Variants in CBFA2T2 observed in about 807,000 individuals in gnomAD.
The protein encoded by CBFA2T2 is protein CBFA2T2.
Under a neutral mutation model 62.2 loss-of-function variants are expected in CBFA2T2, and 11 were observed. The ratio of observed to expected loss-of-function variants is 0.18; its 90% CI spans 0.11 to 0.29. CBFA2T2 has a LOEUF of 0.29. Ranked by LOEUF, CBFA2T2 falls within the 10% of genes least tolerant of loss-of-function variation. CBFA2T2 has a pLI of 1.00. For synonymous variants in CBFA2T2, 295 were observed against 287.5 expected, an observed-to-expected ratio of 1.03 and a Z score of -0.27; for missense variants, 592 against 774.1, an observed-to-expected ratio of 0.76 and a Z score of 2.79.
At chr20:33,505,037 A>G (rs1242165236) in intron 1 of CBFA2T2, among the ~76,000 whole-genome samples, 11 of 152,218 alleles carry the variant, frequency 7.2e-5, no homozygotes, top group Admixed American at 6.5e-4. Context: ...CAATTTTCAC[A>G]TATCTAATTT....
chr20:33,567,345 T>C (rs544417364), intron 1 of CBFA2T2, among the ~76,000 whole-genome samples: 6 of 152,316 alleles, frequency 3.9e-5, no homozygotes, highest in Admixed American at 3.9e-4. Context: ...TGTATACATA[T>C]TATCTGCAGT....
rs879766494 is a variant in CBFA2T2 at position 33,567,807 on chromosome 20, C to T, written c.35-39149C>T. ...CCATGTTGGCCAGGCAGGTTTCGAA[C>T]GCCTGACCTCAGGTGATCTACCCGC... is the stretch of plus-strand genomic sequence containing the variant. On this transcript the variant is annotated intron_variant, in intron 1 of 10. Transcript: ENST00000342704. Among the ~76,000 whole-genome samples the T allele has an allele frequency of 4.6e-5, 7 of 152,082 alleles. No homozygotes were observed. In the South Asian group the frequency reaches 6.2e-4, roughly 14 times the overall value.
At chr20:33,502,368 A>T (rs902341309) in intron 1 of CBFA2T2, among the ~76,000 whole-genome samples, 8 of 152,118 alleles carry the variant, frequency 5.3e-5, no homozygotes, top group African/African-American at 1.9e-4. Flanking sequence ...ACACACCAAA[A>T]AGGTGTTGTA....
chr20:33,590,233 T>C (rs942873499), intron 1 of CBFA2T2, among the ~76,000 whole-genome samples: 13 of 150,392 alleles, frequency 8.6e-5, no homozygotes, highest in African/African-American at 3.2e-4. Flanking sequence ...GACGATGCTG[T>C]CTCATCTTTT....
chr20:33,510,723 A>G (rs954099061), intron 1 of CBFA2T2, among the ~76,000 whole-genome samples: 1 of 152,152 alleles, frequency 6.6e-6, no homozygotes, highest in Non-Finnish European at 1.5e-5. Context: ...TGTCTTCCAC[A>G]ATGGTTGAAC....
chr20:33,624,720 C>A, intron 5 of CBFA2T2, 44 bp from the exon 6 acceptor site: 1 of 1,600,770 alleles, frequency 6.2e-7, no homozygotes, highest in South Asian at 1.1e-5. Context: ...TCTGCATGAA[C>A]ACTTGTTGAC....
rs1001358190 is a variant in CBFA2T2, at chr20:33,590,459, G to A, written c.35-16497G>A. ...TTCTTGGCCCCCACAAAGGCTATGC[G>A]CATGCCCCAGGAATATACTTCTTCT... On this transcript the variant is annotated intron_variant, in intron 1 of 10. Transcript: ENST00000342704. 6.6e-5 allele frequency among the ~76,000 whole-genome samples: 10 copies of A among 151,874 alleles called. 1 individual carries two copies. The highest frequency in any genetic ancestry group is 2.4e-4 in the African/African-American group (10 of 41,292).
rs575882553 is a variant in CBFA2T2 at position 33,535,528 on chromosome 20, A to G, written c.34+45227A>G. On this transcript the variant is annotated intron_variant, in intron 1 of 10. Transcript: ENST00000342704. ...GTGCTAAGAACCAGCTCAGTGGCTT[A>G]GCTGTCCTGGGGTCTGCAGGAGAAG... Among the ~76,000 whole-genome samples, 3 of 151,268 alleles carry G rather than the reference A, an allele frequency of 2.0e-5. No homozygotes were observed. The South Asian group carries it at 6.3e-4, about 32-fold the overall frequency.
chr20:33,542,328 GT>G (rs1460443984), intron 1 of CBFA2T2, among the ~76,000 whole-genome samples: 1 of 152,170 alleles, frequency 6.6e-6, no homozygotes, highest in Non-Finnish European at 1.5e-5. Flanking sequence ...CTTAACACCT[GT>G]GAGGAACTAG....
chr20:33,595,985 C>T (rs1039363458), intron 1 of CBFA2T2, among the ~76,000 whole-genome samples: 8 of 152,226 alleles, frequency 5.3e-5, no homozygotes, highest in African/African-American at 1.2e-4. Context: ...GATTCACAGT[C>T]ACAGTTTCAT....
chr20:33,496,670 G>A (rs145879865), intron 1 of CBFA2T2, among the ~76,000 whole-genome samples: 12 of 152,254 alleles, frequency 7.9e-5, no homozygotes, highest in African/African-American at 2.9e-4. Context: ...TTTAAAAGGG[G>A]TAAGAATGAT....
chr20:33,639,920 A>G (rs2016769523), intron 9 of CBFA2T2, among the ~76,000 whole-genome samples: 1 of 152,186 alleles, frequency 6.6e-6, no homozygotes, highest in Non-Finnish European at 1.5e-5. Flanking sequence ...CAAATTTCTT[A>G]GTCTGGCATG....
intron 1 of CBFA2T2, among the ~76,000 whole-genome samples, chr20:33,504,655 G>C (rs1451396156): frequency 1.3e-5 from 2 of 151,904 alleles, no homozygotes; most frequent in East Asian, 1.9e-4. Context: ...CACCCACCTT[G>C]GCCTCCAAAA....
chr20:33,599,793 C>T (rs969396576), intron 1 of CBFA2T2, among the ~76,000 whole-genome samples: 7 of 152,092 alleles, frequency 4.6e-5, no homozygotes, highest in African/African-American at 1.4e-4. Context: ...GGGGTTTCAC[C>T]ATGTTGGCCA....
At chr20:33,615,591 A>G (rs938126576) in intron 3 of CBFA2T2, among the ~76,000 whole-genome samples, 8 of 152,134 alleles carry the variant, frequency 5.3e-5, no homozygotes, top group Admixed American at 2.6e-4. Flanking sequence ...TCCCCCCAAT[A>G]AGTAGCAAAA....
rs751278266 is a variant in CBFA2T2, at chr20:33,645,861, T to C, written c.*1215T>C. On this transcript the variant is annotated 3_prime_UTR_variant, in exon 11 of 11. Transcript: ENST00000342704. ...CCTTGAGCTCATCAGAAAGGTTTTA[T>C]GAAATGTGAACCATTTTGGGAAAAG... is the stretch of plus-strand genomic sequence containing the variant. The C allele has an allele frequency of 1.3e-5, 2 of 152,228 alleles. No individual in the cohort carries two copies. Among genetic ancestry groups the C allele is most frequent in the Non-Finnish European group, 2.9e-5 (2 of 68,042 alleles). 9.4% of individuals were successfully genotyped at this position (152,228 alleles called of 1,614,324 possible). A position where few individuals can be genotyped will look rare whatever the true frequency, so the allele number is the denominator to read the frequency against.
chr20:33,519,395 G>A (rs181428419), intron 1 of CBFA2T2, among the ~76,000 whole-genome samples: 86 of 152,292 alleles, frequency 5.6e-4, no homozygotes, highest in Middle Eastern at 3.4e-3. Flanking sequence ...GCTTGAACCC[G>A]GGAGGTGGTG....
rs953264511 is a variant in CBFA2T2, at chr20:33,648,205, G to A, written c.*3559G>A. Reference sequence around the variant, plus strand: ...TGGCATGGTGGTACAGAAGGTATCAGTCAAGCGCAGGCTCTTCAGAAACCT... The same window carrying A: ...TGGCATGGTGGTACAGAAGGTATCAATCAAGCGCAGGCTCTTCAGAAACCT... On this transcript the variant is annotated 3_prime_UTR_variant, in exon 11 of 11. Transcript: ENST00000342704. 6.6e-6 allele frequency: 1 copy of A among 152,262 alleles called. No individual in the cohort carries two copies. The highest frequency in any genetic ancestry group is 1.5e-5 in the Non-Finnish European group (1 of 68,102). 9.4% of individuals were successfully genotyped at this position (152,262 alleles called of 1,614,324 possible). A position where few individuals can be genotyped will look rare whatever the true frequency, so the allele number is the denominator to read the frequency against.
At chr20:33,536,429 G>A (rs1232319290) in intron 1 of CBFA2T2, among the ~76,000 whole-genome samples, 1 of 146,824 alleles carries the variant, frequency 6.8e-6, no homozygotes, top group Non-Finnish European at 1.5e-5. Flanking sequence ...GCGGGGGGCT[G>A]ACCCCCCCAC....
Sources: gnomAD v4.1 joint callset for allele counts (sites outside exome capture counted in the v4.1 genomes callset) on GRCh38, gnomAD v4.1.1 for gene constraint, MANE v1.5 for transcripts, NCBI Gene and HGNC (gene_info 2026-07-23, HGNC 2026-07-21) for gene names.